The following PRKCA variants were observed in gnomAD, a reference collection of about 807,000 sequenced individuals.
PRKCA encodes the protein protein kinase C alpha, also known as protein kinase C alpha type.
PRKCA carries 27 observed loss-of-function variants against 87.0 expected under a neutral mutation model. That is an observed-to-expected ratio of 0.31 (90% CI 0.23 to 0.43). The LOEUF (loss-of-function observed/expected upper bound fraction) is 0.43, where lower values mean the gene tolerates loss of function less well. PRKCA is among the 20% of genes least tolerant of loss of function. PRKCA has a pLI of 1.00. For synonymous variants in PRKCA, 329 were observed against 311.1 expected (o/e 1.06, Z -0.61); for missense variants, 518 against 852.3 (o/e 0.61, Z 4.88).
intron 5 of PRKCA, among the ~76,000 whole-genome samples, chr17:66,664,190 C>G (rs1971980676): frequency 6.6e-6 from 1 of 152,076 alleles, no homozygotes; most frequent in African/African-American, 2.4e-5. Context: ...TTTTGATGCC[C>G]TGGGATTGGT....
chr17:66,390,928 A>C (rs1210360529), intron 2 of PRKCA, among the ~76,000 whole-genome samples: 6 of 147,578 alleles, frequency 4.1e-5, no homozygotes, highest in Non-Finnish European at 9.0e-5. Context: ...CAAGTAGCAG[A>C]GGAAACTCAG....
At chr17:66,651,762 G>T (rs575155702) in intron 5 of PRKCA, among the ~76,000 whole-genome samples, 2 of 152,108 alleles carry the variant, frequency 1.3e-5, no homozygotes, top group East Asian at 3.9e-4. Context: ...TTATCCTCAG[G>T]GGCACCCAGA....
At chr17:66,576,877 T>C (rs1969252402) in intron 3 of PRKCA, among the ~76,000 whole-genome samples, 1 of 47,546 alleles carries the variant, frequency 2.1e-5, no homozygotes, top group Admixed American at 2.1e-4. Context: ...GATGTACTTT[T>C]TTTTTTTTTT....
chr17:66,394,113 G>T (rs560648390), intron 2 of PRKCA, among the ~76,000 whole-genome samples: 9 of 152,254 alleles, frequency 5.9e-5, no homozygotes, highest in African/African-American at 1.9e-4. Context: ...AGGGGCAAGA[G>T]GTTCTGAGGG....
At chr17:66,421,679 C>T (rs1912504798) in intron 2 of PRKCA, among the ~76,000 whole-genome samples, 2 of 151,502 alleles carry the variant, frequency 1.3e-5, no homozygotes, top group East Asian at 1.9e-4. Flanking sequence ...ATTACAGGCA[C>T]CCGCCACCAG....
At chr17:66,326,849 A>G (rs1906008813) in intron 2 of PRKCA, among the ~76,000 whole-genome samples, 1 of 152,186 alleles carries the variant, frequency 6.6e-6, no homozygotes, top group Non-Finnish European at 1.5e-5. Context: ...AGTTTGATCC[A>G]GGGGAGATTT....
At chr17:66,378,762 G>A (rs1056997533) in intron 2 of PRKCA, among the ~76,000 whole-genome samples, 3 of 151,990 alleles carry the variant, frequency 2.0e-5, no homozygotes, top group African/African-American at 4.8e-5. Context: ...TTAGCCTGGC[G>A]TGGTGGCACA....
chr17:66,741,839 A>G lies in PRKCA; in HGVS notation c.1385+118A>G, dbSNP rs541056463. The G allele has an allele frequency of 1.4e-5, 14 of 1,030,752 alleles. No individual in the cohort carries two copies. The East Asian group carries it at 3.6e-4, about 27-fold the overall frequency. The allele number at this position is 1,030,752 out of a possible 1,614,324, so 63.9% of individuals were successfully genotyped here. The stretch of plus-strand genomic sequence containing the variant: ...GAGTTGATAACTCCCCAGGAGGAAC[A>G]GAGACCTGCTGGGACCCACCTTCCT... On this transcript the variant is annotated intron_variant, in intron 12 of 16. Transcript: ENST00000413366.
intron 2 of PRKCA, among the ~76,000 whole-genome samples, chr17:66,419,671 C>T (rs960898463): frequency 6.6e-6 from 1 of 152,122 alleles, no homozygotes; most frequent in Non-Finnish European, 1.5e-5. Flanking sequence ...CAAAGTTTTA[C>T]TAACCAGAAT....
chr17:66,624,446 G>A (rs771768746), intron 3 of PRKCA, among the ~76,000 whole-genome samples: 1 of 152,152 alleles, frequency 6.6e-6, no homozygotes, highest in African/African-American at 2.4e-5. Flanking sequence ...CTGGGCAGAG[G>A]GTTCTAAATT....
At chr17:66,686,632 A>G (rs1972634746) in intron 5 of PRKCA, among the ~76,000 whole-genome samples, 1 of 152,112 alleles carries the variant, frequency 6.6e-6, no homozygotes, top group Non-Finnish European at 1.5e-5. Flanking sequence ...GTTGGAAGCC[A>G]TTGGCCTTTA....
At chr17:66,588,617 AG>A (rs1249519329) in intron 3 of PRKCA, among the ~76,000 whole-genome samples, 2 of 98,404 alleles carry the variant, frequency 2.0e-5, no homozygotes, top group Non-Finnish European at 4.3e-5. Context: ...TTTCTTTCTG[AG>A]GTTTTATTTT....
At chr17:66,336,778 G>GTA (rs958851655) in intron 2 of PRKCA, among the ~76,000 whole-genome samples, 5 of 135,766 alleles carry the variant, frequency 3.7e-5, no homozygotes, top group African/African-American at 1.3e-4. Flanking sequence ...GTGTGTGTGT[G>GTA]TGTGTGTGTG....
In PRKCA at chr17:66,653,143, C is replaced by T. The variant is rs78260656; in HGVS notation, c.529+7632C>T. On this transcript the variant is annotated intron_variant, in intron 5 of 16. Transcript: ENST00000413366. ...ACAGGCAGGTTCTGGGAACTGTACACTTACATGGATGGGCAGGGGCTGCCT... is the reference window on the plus strand; with the variant it reads ...ACAGGCAGGTTCTGGGAACTGTACATTTACATGGATGGGCAGGGGCTGCCT... 6.6e-4 allele frequency among the ~76,000 whole-genome samples: 101 copies of T among 152,362 alleles called. 2 individuals carry two copies. The East Asian group carries it at 0.016, about 24-fold the overall frequency.
At chr17:66,711,056 T>A (rs556327885) in intron 8 of PRKCA, among the ~76,000 whole-genome samples, 14 of 151,358 alleles carry the variant, frequency 9.2e-5, no homozygotes, top group African/African-American at 1.9e-4. Context: ...AATAAATAAA[T>A]AAAATAAATA....
chr17:66,700,892 C>T (rs912825190), intron 8 of PRKCA, among the ~76,000 whole-genome samples: 15 of 152,058 alleles, frequency 9.9e-5, no homozygotes, highest in African/African-American at 2.9e-4. Flanking sequence ...ACAGATTATA[C>T]GTAATCCTTA....
intron 3 of PRKCA, among the ~76,000 whole-genome samples, chr17:66,569,895 G>A (rs542323702): frequency 5.3e-5 from 8 of 152,270 alleles, no homozygotes; most frequent in South Asian, 4.1e-4. Context: ...AATTCTTCTC[G>A]TAGGTGGATC....
At chr17:66,593,019 C>T (rs538096904) in intron 3 of PRKCA, among the ~76,000 whole-genome samples, 6 of 152,172 alleles carry the variant, frequency 3.9e-5, no homozygotes, top group African/African-American at 4.8e-5. Flanking sequence ...CTCGAACTCC[C>T]GACCTCATGA....
chr17:66,797,767 G>A (rs577330948), intron 16 of PRKCA, among the ~76,000 whole-genome samples: 23 of 152,322 alleles, frequency 1.5e-4, no homozygotes, highest in Admixed American at 9.1e-4. Flanking sequence ...GCAGTCACAC[G>A]CTGACTGGTT....
Sources: gnomAD v4.1 joint callset for allele counts (sites outside exome capture counted in the v4.1 genomes callset) on GRCh38, gnomAD v4.1.1 for gene constraint, MANE v1.5 for transcripts, NCBI Gene and HGNC (gene_info 2026-07-23, HGNC 2026-07-21) for gene names.